PTPRD: variants seen among roughly 807,000 people sequenced by gnomAD.
The protein encoded by PTPRD is protein tyrosine phosphatase receptor type D.
In PTPRD, 34 loss-of-function variants were observed where a neutral mutation model predicts 214.5. The ratio of observed to expected loss-of-function variants is 0.16; its 90% CI spans 0.12 to 0.21. The LOEUF is 0.21. PTPRD is among the 10% of genes least tolerant of loss of function. The probability of loss-of-function intolerance (pLI) is 1.00; values close to 1 mark genes in which losing one functional copy is unlikely to be tolerated. For missense variants in PTPRD, 2,545 were observed against 2,398.7 expected, an observed-to-expected ratio of 1.06 and a Z score of -1.27; for synonymous variants, 1,128 against 845.7, an observed-to-expected ratio of 1.33 and a Z score of -5.79.
At chr9:9,393,035 A>T (rs1038649742) in intron 9 of PTPRD, among the ~76,000 whole-genome samples, 1 of 152,120 alleles carries the variant, frequency 6.6e-6, no homozygotes, top group Non-Finnish European at 1.5e-5. Flanking sequence ...GGAGCTGGTT[A>T]ATCGGCTTCC....
intron 6 of PTPRD, among the ~76,000 whole-genome samples, chr9:9,748,113 T>A (rs1284950967): frequency 6.6e-6 from 1 of 152,212 alleles, no homozygotes; most frequent in Admixed American, 6.5e-5. Context: ...CTTTCCATCA[T>A]TCATCAGTGA....
At chr9:8,782,743 G>GCA (rs1337541797) in intron 11 of PTPRD, among the ~76,000 whole-genome samples, 4 of 151,690 alleles carry the variant, frequency 2.6e-5, no homozygotes, top group Non-Finnish European at 5.9e-5. Flanking sequence ...GATTACAGGC[G>GCA]CACACCACCA....
At chr9:9,192,408 A>G (rs1000191742) in intron 9 of PTPRD, among the ~76,000 whole-genome samples, 10 of 152,030 alleles carry the variant, frequency 6.6e-5, no homozygotes, top group African/African-American at 2.4e-4. Flanking sequence ...GACTCAGAAA[A>G]CAGGTATCCT....
At chr9:9,566,225 T>C (rs942700746) in intron 8 of PTPRD, among the ~76,000 whole-genome samples, 1 of 152,054 alleles carries the variant, frequency 6.6e-6, no homozygotes, top group Admixed American at 6.6e-5. Flanking sequence ...ACTGTTATTA[T>C]CTACTTATAT....
chr9:8,983,568 G>C (rs769389907), intron 11 of PTPRD, among the ~76,000 whole-genome samples: 1 of 152,016 alleles, frequency 6.6e-6, no homozygotes, highest in Non-Finnish European at 1.5e-5. Flanking sequence ...CCAGGCTGGA[G>C]TGTAATCACA....
chr9:9,125,761 C>G (rs1198249073), intron 10 of PTPRD, among the ~76,000 whole-genome samples: 1 of 152,152 alleles, frequency 6.6e-6, no homozygotes, highest in Non-Finnish European at 1.5e-5. Context: ...TCCATGCCCT[C>G]ATAGAACTAT....
chr9:9,753,105 T>C (rs956635333), intron 6 of PTPRD, among the ~76,000 whole-genome samples: 40 of 152,232 alleles, frequency 2.6e-4, no homozygotes, highest in African/African-American at 9.4e-4. Context: ...CTTTGTTTCA[T>C]TGCATTAGTT....
intron 21 of PTPRD, among the ~76,000 whole-genome samples, chr9:8,517,471 A>G (rs945925094): frequency 2.0e-5 from 3 of 152,192 alleles, no homozygotes; most frequent in African/African-American, 7.2e-5. Flanking sequence ...CTTTGTCTTG[A>G]ACCATCCAAT....
At chr9:8,744,419 T>C (rs1025603268) in intron 11 of PTPRD, among the ~76,000 whole-genome samples, 1 of 151,730 alleles carries the variant, frequency 6.6e-6, no homozygotes, top group Non-Finnish European at 1.5e-5. Flanking sequence ...AATCAACGAG[T>C]GGATAAAGAA....
intron 9 of PTPRD, among the ~76,000 whole-genome samples, chr9:9,392,827 C>A (rs541281297): frequency 6.6e-6 from 1 of 152,218 alleles, no homozygotes; most frequent in East Asian, 1.9e-4. Context: ...CTTTCAATCT[C>A]CTCAGGGAGG....
At chr9:9,432,873 A>T (rs1211440296) in intron 8 of PTPRD, among the ~76,000 whole-genome samples, 2 of 152,186 alleles carry the variant, frequency 1.3e-5, no homozygotes, top group East Asian at 3.9e-4. Flanking sequence ...GAAAAAGTGG[A>T]GTTTTAGAGG....
chr9:10,433,373 C>G (rs1416182694), intron 2 of PTPRD, among the ~76,000 whole-genome samples: 1 of 151,930 alleles, frequency 6.6e-6, no homozygotes, highest in Non-Finnish European at 1.5e-5. Context: ...TTTTGCTAAT[C>G]GAGGTATATA....
At chr9:10,299,517 T>C (rs1291758031) in intron 3 of PTPRD, among the ~76,000 whole-genome samples, 1 of 152,104 alleles carries the variant, frequency 6.6e-6, no homozygotes, top group Non-Finnish European at 1.5e-5. Context: ...GAAATGTGTG[T>C]AGGAGGTTTT....
In PTPRD at chr9:9,877,586, T is replaced by C. The variant is rs146706479; in HGVS notation, c.-368+60921A>G. On this transcript the variant is annotated intron_variant, in intron 5 of 45. Transcript: ENST00000381196. Reference sequence around the variant, plus strand: ...GAATGTTTTCTGCTCCAAGACTTCATAGTTGAAGGTAAAAAGAATTCTTAA... The same window carrying C: ...GAATGTTTTCTGCTCCAAGACTTCACAGTTGAAGGTAAAAAGAATTCTTAA... Among the ~76,000 whole-genome samples, 217 of 152,156 alleles carry C rather than the reference T, an allele frequency of 1.4e-3. 1 individual carries two copies. The highest frequency in any genetic ancestry group is 4.7e-3 in the African/African-American group (194 of 41,544).
intron 3 of PTPRD, among the ~76,000 whole-genome samples, chr9:10,037,691 G>A (rs571812740): frequency 6.6e-6 from 1 of 151,508 alleles, no homozygotes; most frequent in African/African-American, 2.4e-5. Flanking sequence ...ACTAATATTT[G>A]AGAGAGGATC....
chr9:9,932,477 G>A lies in PTPRD; in HGVS notation c.-368+6030C>T, dbSNP rs1194096178. ...CAATCAACTGGAAGAAAGGGTATCAGCAATGGAAGATGAAATGAATGAAAT... is the reference window on the plus strand; with the variant it reads ...CAATCAACTGGAAGAAAGGGTATCAACAATGGAAGATGAAATGAATGAAAT... On this transcript the variant is annotated intron_variant, in intron 5 of 45. Coordinates refer to ENST00000381196, the MANE Select transcript of PTPRD (RefSeq NM_002839.4). Among the ~76,000 whole-genome samples, 151 of 143,088 alleles carry A rather than the reference G, an allele frequency of 1.1e-3. 1 individual carries two copies. Among genetic ancestry groups the A allele is most frequent in the Non-Finnish European group, 2.1e-3 (141 of 66,528 alleles). The allele number at this position is 143,088 out of a possible 152,430, so 93.9% of individuals were successfully genotyped here.
chr9:9,500,039 G>A (rs2096354254), intron 8 of PTPRD, among the ~76,000 whole-genome samples: 1 of 152,078 alleles, frequency 6.6e-6, no homozygotes, highest in Non-Finnish European at 1.5e-5. Flanking sequence ...CATTGTTTAG[G>A]AGTAATTTGC....
At chr9:8,340,247 A>T (rs1851233978) in intron 42 of PTPRD, 96 bp downstream of exon 42, 1 of 1,396,958 alleles carries the variant, frequency 7.2e-7, no homozygotes, top group African/African-American at 1.4e-5. Flanking sequence ...TGCATTTCAA[A>T]AAAAATGATC....
intron 14 of PTPRD, among the ~76,000 whole-genome samples, chr9:8,543,464 T>C (rs2079014298): frequency 6.6e-6 from 1 of 152,172 alleles, no homozygotes; most frequent in Non-Finnish European, 1.5e-5. Flanking sequence ...GAATAAATAA[T>C]GTATGTGCAT....
Sources: gnomAD v4.1 joint callset for allele counts (sites outside exome capture counted in the v4.1 genomes callset) on GRCh38, gnomAD v4.1.1 for gene constraint, MANE v1.5 for transcripts, NCBI Gene and HGNC (gene_info 2026-07-23, HGNC 2026-07-21) for gene names.